The following AKAP3 variants were observed in gnomAD, a reference collection of about 807,000 sequenced individuals.
The protein encoded by AKAP3 is A-kinase anchoring protein 3, also known as A-kinase anchor protein 3.
A neutral mutation model predicts 57.2 loss-of-function variants in AKAP3; 27 were observed. The ratio of observed to expected loss-of-function variants is 0.47; its 90% CI spans 0.35 to 0.65. AKAP3 has a LOEUF of 0.65. Among genes scored for constraint, AKAP3 ranks in the 30% least tolerant of loss-of-function variants. AKAP3 has a pLI of 0.01. For missense variants in AKAP3, 959 were observed against 1,040.0 expected, an observed-to-expected ratio of 0.92 and a Z score of 1.07; for synonymous variants, 334 against 392.3, an observed-to-expected ratio of 0.85 and a Z score of 1.76.
chr12:4,624,166 G>T (rs1461745189), intron 5 of AKAP3, among the ~76,000 whole-genome samples: 1 of 151,634 alleles, frequency 6.6e-6, no homozygotes, highest in African/African-American at 2.4e-5. Flanking sequence ...ATAAGGGAGG[G>T]GTTAAATATA....
intron 5 of AKAP3, among the ~76,000 whole-genome samples, chr12:4,623,094 A>AATGGCT (rs1433505100): frequency 6.6e-6 from 1 of 152,200 alleles, no homozygotes; most frequent in Non-Finnish European, 1.5e-5. Context: ...CACCAGTTAG[A>AATGGCT]ATGGCTATTA....
At chr12:4,619,080 T>G (rs552764168) in intron 5 of AKAP3, among the ~76,000 whole-genome samples, 14 of 152,332 alleles carry the variant, frequency 9.2e-5, no homozygotes, top group African/African-American at 3.1e-4. Context: ...GTGCTCAATA[T>G]TTCTCATCAT....
Position 4,628,683 on chromosome 12 carries a change from G to A in AKAP3, c.219C>T (p.Asn73=), listed in dbSNP as rs138303652. ...PGESFGGETS[N]SGDPHKGFSV... is the part of the protein sequence containing the mutation. ...AGAAACCTTTGTGTGGGTCTCCTGA[G>A]TTGGACGTTTCCCCACCAAATGATT... is the stretch of plus-strand genomic sequence containing the variant. Residue 73 remains asparagine (N), a synonymous_variant, in exon 5 of 6, where the codon AAC becomes AAT. Transcript: ENST00000228850. 17 of 1,614,096 alleles carry A rather than the reference G, an allele frequency of 1.1e-5. No homozygotes were observed. Among genetic ancestry groups the A allele is most frequent in the Non-Finnish European group, 1.4e-5 (17 of 1,180,038 alleles).
chr12:4,617,019 A>G (rs900758734), intron 5 of AKAP3, among the ~76,000 whole-genome samples: 1 of 152,268 alleles, frequency 6.6e-6, no homozygotes, highest in East Asian at 1.9e-4. Context: ...ACCCAAAGAA[A>G]TTAACTCCAA....
chr12:4,621,026 T>C (rs1945341397), intron 5 of AKAP3, among the ~76,000 whole-genome samples: 1 of 152,120 alleles, frequency 6.6e-6, no homozygotes, highest in Non-Finnish European at 1.5e-5. Context: ...TGGGAGAACA[T>C]GCAGAGGTGG....
At chr12:4,620,969 A>G (rs1285520373) in intron 5 of AKAP3, among the ~76,000 whole-genome samples, 1 of 152,212 alleles carries the variant, frequency 6.6e-6, no homozygotes, top group East Asian at 1.9e-4. Flanking sequence ...TTGTCATCAT[A>G]GGACATAATA....
rs539568482 is a variant in AKAP3 at position 4,626,671 on chromosome 12, G to A, written c.2231C>T (p.Thr744Ile). ...ACACCCTTCAGGGGGCTGTCCTGAT[G>A]TGCCTCTCATTTCATTATGGATAGC... ...YQAIHNEMRG[T>I]SGQPPEGCAA... is the part of the protein sequence containing the mutation. Residue 744 changes from threonine (T) to isoleucine (I), a missense_variant, in exon 5 of 6, where the codon ACA becomes ATA. Coordinates refer to ENST00000228850, the MANE Select transcript of AKAP3 (RefSeq NM_001278309.2). 6.8e-5 allele frequency: 110 copies of A among 1,614,224 alleles called. 1 individual carries two copies. The South Asian group carries it at 1.1e-3, about 17-fold the overall frequency.
chr12:4,631,608 C>T (rs770213794), intron 4 of AKAP3, among the ~76,000 whole-genome samples: 25 of 140,406 alleles, frequency 1.8e-4, no homozygotes, highest in Non-Finnish European at 3.4e-4. Context: ...CACACACACG[C>T]ACACAAACAC....
rs1286414374 is a variant in AKAP3 at position 4,627,614 on chromosome 12, A to G, written c.1288T>C (p.Leu430=). The change falls in exon 5 of 6, where the codon TTG becomes CTG. Residue 430 remains leucine (L), a synonymous_variant. Transcript: ENST00000228850. The part of the protein sequence containing the change: ...VNFAMKSETK[L]REKMYSEPKS... ...GGTTCAGAATACATTTTTTCTCTCAATTTAGTTTCAGATTTCATGGCAAAG... is the reference window on the plus strand; with the variant it reads ...GGTTCAGAATACATTTTTTCTCTCAGTTTAGTTTCAGATTTCATGGCAAAG... The G allele has an allele frequency of 6.2e-7, 1 of 1,613,948 alleles. No homozygotes were observed. The highest frequency in any genetic ancestry group is 1.7e-5 in the Admixed American group (1 of 60,012).
chr12:4,626,648 A>C lies in AKAP3; in HGVS notation c.2254T>G (p.Cys752Gly), dbSNP rs758694096. ...RGTSGQPPEG[C>G]AAPTVIVSNH... Reference sequence around the variant, plus strand: ...CTGACAATCACCGTGGGTGCTGCACACCCTTCAGGGGGCTGTCCTGATGTG... The same window carrying C: ...CTGACAATCACCGTGGGTGCTGCACCCCCTTCAGGGGGCTGTCCTGATGTG... The change falls in exon 5 of 6, where the codon TGT (cysteine) becomes GGT (glycine). Residue 752 changes from cysteine (C) to glycine (G), a missense_variant. Transcript: ENST00000228850. 2 of 1,614,104 alleles carry C rather than the reference A, an allele frequency of 1.2e-6. No homozygotes were observed. Among genetic ancestry groups the C allele is most frequent in the South Asian group, 1.1e-5 (1 of 91,064 alleles).
At chr12:4,648,244 G>C (rs752742566) in intron 1 of AKAP3, among the ~76,000 whole-genome samples, 2 of 152,204 alleles carry the variant, frequency 1.3e-5, no homozygotes, top group Non-Finnish European at 2.9e-5. Context: ...CATTGCGCTA[G>C]AGAGAGCCAT....
rs893506332 is a variant in AKAP3, at chr12:4,625,179, T to C, written c.2406+1317A>G. Among the ~76,000 whole-genome samples, 1 of 152,122 alleles carries C rather than the reference T, an allele frequency of 6.6e-6. No individual in the cohort carries two copies. Among genetic ancestry groups the C allele is most frequent in the Non-Finnish European group, 1.5e-5 (1 of 68,018 alleles). Reference sequence around the variant, plus strand: ...CTTGCCAACGACCCTTAGGAATAGATCTAATATTGGAAGTTCACACTGTCT... The same window carrying C: ...CTTGCCAACGACCCTTAGGAATAGACCTAATATTGGAAGTTCACACTGTCT... On this transcript the variant is annotated intron_variant, in intron 5 of 5. Transcript: ENST00000228850. This position sits in a 1 kb window ranked among gnomAD's most constrained non-coding sequence, Gnocchi z 5.4.
chr12:4,623,000 T>C (rs1362898161), intron 5 of AKAP3, among the ~76,000 whole-genome samples: 1 of 152,140 alleles, frequency 6.6e-6, no homozygotes, highest in East Asian at 1.9e-4. Context: ...GACATACGTG[T>C]GGCCAACAAG....
At chr12:4,616,374 G>A (rs980729381) in intron 5 of AKAP3, among the ~76,000 whole-genome samples, 2 of 152,196 alleles carry the variant, frequency 1.3e-5, no homozygotes, top group Non-Finnish European at 2.9e-5. Flanking sequence ...TTCATTGCAG[G>A]TATTGGAGCC....
At chr12:4,629,867 CA>C (rs1945475948) in intron 4 of AKAP3, among the ~76,000 whole-genome samples, 1 of 152,034 alleles carries the variant, frequency 6.6e-6, no homozygotes, top group Non-Finnish European at 1.5e-5. Flanking sequence ...AAATGGCTTC[CA>C]ATGGACTGAC....
At position 4,626,760 on chromosome 12, in the gene AKAP3, T is replaced by C; in HGVS notation, c.2142A>G (p.Leu714=). 1.2e-6 allele frequency: 2 copies of C among 1,613,094 alleles called. No homozygotes were observed. Among genetic ancestry groups the C allele is most frequent in the South Asian group, 1.1e-5 (1 of 91,084 alleles). Reference sequence around the variant, plus strand: ...TGCCCTTGGCTGGTAAGCACTCATATAAACTATCTGGGAAGGCCGAAGTTA... The same window carrying C: ...TGCCCTTGGCTGGTAAGCACTCATACAAACTATCTGGGAAGGCCGAAGTTA... ...SRLTSAFPDS[L]YECLPAKGTG... Residue 714 remains leucine (L), a synonymous_variant, in exon 5 of 6, where the codon TTA becomes TTG. Coordinates refer to ENST00000228850, the MANE Select transcript of AKAP3 (RefSeq NM_001278309.2).
At chr12:4,621,570 A>G (rs1165215228) in intron 5 of AKAP3, among the ~76,000 whole-genome samples, 2 of 152,244 alleles carry the variant, frequency 1.3e-5, no homozygotes, top group African/African-American at 4.8e-5. Context: ...TATTCAGTAC[A>G]GTAACATGCT....
At chr12:4,632,953 T>G (rs563971578) in intron 4 of AKAP3, among the ~76,000 whole-genome samples, 21 of 152,262 alleles carry the variant, frequency 1.4e-4, no homozygotes, top group African/African-American at 5.1e-4. Context: ...TTTGCCCACT[T>G]TTTAATGGGG....
At chr12:4,616,621 G>A (rs1249710022) in intron 5 of AKAP3, among the ~76,000 whole-genome samples, 1 of 152,030 alleles carries the variant, frequency 6.6e-6, no homozygotes, top group African/African-American at 2.4e-5. Flanking sequence ...TGAAACAGAA[G>A]AACCAAATGG....
Sources: gnomAD v4.1 joint callset for allele counts (sites outside exome capture counted in the v4.1 genomes callset) on GRCh38, gnomAD v4.1.1 for gene constraint, Gnocchi (gnomAD v3.1) non-coding constraint, MANE v1.5 for transcripts, NCBI Gene and HGNC (gene_info 2026-07-23, HGNC 2026-07-21) for gene names.